LRRC4C: variants seen among roughly 807,000 people sequenced by gnomAD.
The protein encoded by LRRC4C is leucine-rich repeat-containing protein 4C.
LRRC4C carries 5 observed loss-of-function variants against 33.6 expected under a neutral mutation model. The ratio of observed to expected loss-of-function variants is 0.15; its 90% CI spans 0.08 to 0.31. LRRC4C has a LOEUF of 0.31. Ranked by LOEUF, LRRC4C falls within the 10% of genes least tolerant of loss-of-function variation. LRRC4C has a pLI of 1.00. For missense variants in LRRC4C, 560 were observed against 796.7 expected, an observed-to-expected ratio of 0.70 and a Z score of 3.58; for synonymous variants, 329 against 302.0, an observed-to-expected ratio of 1.09 and a Z score of -0.93.
chr11:41,293,661 G>A (rs1054169995), intron 1 of LRRC4C, among the ~76,000 whole-genome samples: 5 of 151,824 alleles, frequency 3.3e-5, no homozygotes, highest in African/African-American at 4.8e-5. Context: ...CAATGGCCGC[G>A]ATCTTAGCTC....
At chr11:40,779,041 A>C (rs1950117951) in intron 2 of LRRC4C, among the ~76,000 whole-genome samples, 1 of 152,240 alleles carries the variant, frequency 6.6e-6, no homozygotes, top group African/African-American at 2.4e-5. Flanking sequence ...ATTCAGCAGT[A>C]GTCACAGGAA....
chr11:40,876,092 G>T (rs375881061), intron 2 of LRRC4C, among the ~76,000 whole-genome samples: 1 of 151,938 alleles, frequency 6.6e-6, no homozygotes, highest in Non-Finnish European at 1.5e-5. Flanking sequence ...AGGATATTTC[G>T]TCTTGATTTT....
chr11:40,272,554 G>A (rs753358668), intron 4 of LRRC4C, among the ~76,000 whole-genome samples: 4 of 151,900 alleles, frequency 2.6e-5, no homozygotes, highest in East Asian at 1.9e-4. Context: ...GTAAATTTCC[G>A]GCAACTTTTT....
intron 3 of LRRC4C, among the ~76,000 whole-genome samples, chr11:40,636,217 T>C (rs1963946251): frequency 6.6e-6 from 1 of 152,132 alleles, no homozygotes; most frequent in South Asian, 2.1e-4. Flanking sequence ...ACTGGACATC[T>C]ATCTCAGCGG....
chr11:40,396,653 A>T (rs1366716715), intron 3 of LRRC4C, among the ~76,000 whole-genome samples: 1 of 152,166 alleles, frequency 6.6e-6, no homozygotes, highest in Non-Finnish European at 1.5e-5. Context: ...TTTGCATATC[A>T]CAGCATGGTG....
chr11:40,390,041 A>G (rs957109943), intron 3 of LRRC4C, among the ~76,000 whole-genome samples: 1 of 152,180 alleles, frequency 6.6e-6, no homozygotes, highest in African/African-American at 2.4e-5. Flanking sequence ...AATTACATCA[A>G]TGAGCATTTA....
At chr11:41,376,265 G>T (rs1302012327) in intron 1 of LRRC4C, among the ~76,000 whole-genome samples, 1 of 152,126 alleles carries the variant, frequency 6.6e-6, no homozygotes, top group Non-Finnish European at 1.5e-5. Flanking sequence ...ATAAGAATAT[G>T]CCACTTTGCC....
intron 2 of LRRC4C, among the ~76,000 whole-genome samples, chr11:40,700,229 G>A (rs567567587): frequency 3.3e-5 from 5 of 152,160 alleles, no homozygotes; most frequent in African/African-American, 1.2e-4. Context: ...ATGTTATTTT[G>A]TTTAAACGTG....
At chr11:41,348,040 T>A (rs1951855931) in intron 1 of LRRC4C, among the ~76,000 whole-genome samples, 1 of 152,194 alleles carries the variant, frequency 6.6e-6, no homozygotes, top group Admixed American at 6.5e-5. Flanking sequence ...CTTCATCATT[T>A]ACATAAGTAT....
At chr11:41,314,083 T>C (rs769334270) in intron 1 of LRRC4C, among the ~76,000 whole-genome samples, 8 of 152,016 alleles carry the variant, frequency 5.3e-5, no homozygotes, top group Admixed American at 2.0e-4. Context: ...TGGGGGTAGA[T>C]TGGGAAAGGG....
At chr11:40,919,780 T>C (rs1252298235) in intron 2 of LRRC4C, among the ~76,000 whole-genome samples, 5 of 152,186 alleles carry the variant, frequency 3.3e-5, no homozygotes, top group African/African-American at 1.2e-4. Context: ...TATAGAAATC[T>C]ACACATTTAA....
chr11:40,507,320 A>G (rs1955081724), intron 3 of LRRC4C, among the ~76,000 whole-genome samples: 2 of 152,184 alleles, frequency 1.3e-5, no homozygotes, highest in Non-Finnish European at 2.9e-5. Context: ...CAATAGAATA[A>G]TAGGCAGTGA....
At chr11:41,361,440 T>C (rs1490789410) in intron 1 of LRRC4C, among the ~76,000 whole-genome samples, 10 of 152,190 alleles carry the variant, frequency 6.6e-5, no homozygotes, top group Non-Finnish European at 1.2e-4. Flanking sequence ...ATGGAAAGTA[T>C]GAATGTTCAC....
At chr11:40,637,892 C>G (rs761084297) in intron 3 of LRRC4C, among the ~76,000 whole-genome samples, 1 of 152,174 alleles carries the variant, frequency 6.6e-6, no homozygotes, top group African/African-American at 2.4e-5. Flanking sequence ...GACTTCACTC[C>G]TTAATTCTAG....
rs533649111 is a variant in LRRC4C at position 40,259,879 on chromosome 11, T to G, written c.-175-18281A>C. Among the ~76,000 whole-genome samples, 841 of 151,856 alleles carry G rather than the reference T, an allele frequency of 5.5e-3. 3 individuals are homozygous for G. The highest frequency in any genetic ancestry group is 8.2e-3 in the Non-Finnish European group (559 of 67,908). On this transcript the variant is annotated intron_variant, in intron 4 of 6. Transcript: ENST00000528697. ...ATACCATCTCACACCAGTTAGAATG[T>G]CGATCATTAAAAAGTCAGGAAACAA... is the stretch of plus-strand genomic sequence containing the variant.
intron 1 of LRRC4C, among the ~76,000 whole-genome samples, chr11:41,109,134 A>G (rs536468553): frequency 3.8e-4 from 57 of 151,978 alleles, no homozygotes; most frequent in Non-Finnish European, 7.1e-4. Context: ...TCCTATCTTC[A>G]TCCCTTTATC....
chr11:41,286,841 G>A (rs775194018), intron 1 of LRRC4C, among the ~76,000 whole-genome samples: 1 of 152,014 alleles, frequency 6.6e-6, no homozygotes, highest in Non-Finnish European at 1.5e-5. Context: ...ATAAGAAAAA[G>A]GAGAAGACTC....
intron 4 of LRRC4C, among the ~76,000 whole-genome samples, chr11:40,285,742 C>T (rs1040587581): frequency 1.3e-5 from 2 of 152,114 alleles, no homozygotes; most frequent in Admixed American, 1.3e-4. Context: ...AAACTGCAGA[C>T]ATCTCAAGCC....
intron 3 of LRRC4C, among the ~76,000 whole-genome samples, chr11:40,482,589 C>T (rs992871719): frequency 2.0e-5 from 3 of 152,030 alleles, no homozygotes; most frequent in African/African-American, 7.2e-5. Context: ...CTCACCTCAG[C>T]CTCCTGAGTA....
Sources: allele counts gnomAD v4.1 joint callset (sites outside exome capture counted in the v4.1 genomes callset), GRCh38; gene constraint gnomAD v4.1.1; transcripts MANE v1.5; gene names NCBI Gene and HGNC (gene_info 2026-07-23, HGNC 2026-07-21).